The following ERAP1 variants were observed in gnomAD, a reference collection of about 807,000 sequenced individuals.
The protein encoded by ERAP1 is adipocyte-derived leucine aminopeptidase.
Under a neutral mutation model 103.7 loss-of-function variants are expected in ERAP1, and 86 were observed. The observed-to-expected ratio is 0.83, with a 90% CI of 0.70 to 0.99. The LOEUF (loss-of-function observed/expected upper bound fraction) is 0.99. ERAP1 is among the 50% of genes least tolerant of loss of function. The pLI is 0.00. For missense variants in ERAP1, 1,009 were observed against 1,128.4 expected (o/e 0.89, Z 1.52); for synonymous variants, 398 against 402.4 (o/e 0.99, Z 0.13).
the ERAP1 span, among the ~76,000 whole-genome samples, chr5:96,839,358 T>A: frequency 7.2e-5 from 11 of 151,884 alleles, no homozygotes; most frequent in African/African-American, 2.4e-4. Context: ...GATCCCAGAA[T>A]TCTAATCACA....
the ERAP1 span, chr5:96,918,457 A>G: frequency 6.6e-6 from 1 of 152,250 alleles, no homozygotes; most frequent in East Asian, 1.9e-4. Flanking sequence ...TTTATCAAGA[A>G]GGCCAGGAAG....
At chr5:96,765,349 AAAAAT>A in intron 19 of ERAP1, 2 of 920,860 alleles carry the variant, frequency 2.2e-6, no homozygotes, top group Non-Finnish European at 1.6e-6. Context: ...AAAAAAAAAA[AAAAAT>A]TCACTAATAG....
intron 17 of ERAP1, 104 bp from the exon 18 acceptor site, chr5:96,780,608 G>T: frequency 2.2e-6 from 2 of 903,004 alleles, no homozygotes; most frequent in Non-Finnish European, 3.6e-6. Flanking sequence ...AAACTGATCG[G>T]TGTGAAAAAT....
the ERAP1 span, among the ~76,000 whole-genome samples, chr5:96,851,472 G>A: frequency 1.3e-5 from 2 of 152,138 alleles, no homozygotes; most frequent in African/African-American, 2.4e-5. Flanking sequence ...CATTTAGCAC[G>A]GTCTCCTACT....
At chr5:96,929,452 T>TTTCC in the ERAP1 span, among the ~76,000 whole-genome samples, 2 of 143,794 alleles carry the variant, frequency 1.4e-5, no homozygotes, top group African/African-American at 5.1e-5. Context: ...CCTCTTTTCT[T>TTTCC]TTCCTTCCTT....
At chr5:96,800,745 G>A (rs1581626997) in intron 3 of ERAP1, 117 bp downstream of exon 3, 30 of 1,081,248 alleles carry the variant, frequency 2.8e-5, no homozygotes, top group South Asian at 6.4e-5. Flanking sequence ...AGTTAGTAAC[G>A]ATCTGCCAGG....
intron 19 of ERAP1, among the ~76,000 whole-genome samples, chr5:96,767,719 T>TG (rs2150746956): frequency 6.6e-6 from 1 of 152,270 alleles, no homozygotes; most frequent in African/African-American, 2.4e-5. Context: ...AAAGAGTAGA[T>TG]GGAAAAAAAG....
At chr5:96,865,195 C>G in the ERAP1 span, among the ~76,000 whole-genome samples, 2 of 152,052 alleles carry the variant, frequency 1.3e-5, no homozygotes, top group African/African-American at 4.8e-5. Flanking sequence ...AAATTTTTAT[C>G]CATATCATGG....
At chr5:96,920,960 A>G in the ERAP1 span, among the ~76,000 whole-genome samples, 1 of 152,236 alleles carries the variant, frequency 6.6e-6, no homozygotes, top group Non-Finnish European at 1.5e-5. Context: ...TCTTATTCAT[A>G]CATTCTGTAG....
At chr5:96,768,457 C>T in intron 19 of ERAP1, 2 of 448,762 alleles carry the variant, frequency 4.5e-6, no homozygotes, top group African/African-American at 2.0e-5. Flanking sequence ...AGAAAAAATG[C>T]CTATAATTCC....
the ERAP1 span, chr5:96,814,348 G>C: frequency 2.2e-6 from 1 of 456,048 alleles, no homozygotes; most frequent in Non-Finnish European, 4.4e-6. Flanking sequence ...ATGAATACCA[G>C]GAGGCAAGGA....
the ERAP1 span, among the ~76,000 whole-genome samples, chr5:96,856,920 TCTC>T: frequency 5.4e-4 from 83 of 152,294 alleles, 1 homozygote; most frequent in East Asian, 0.015. Flanking sequence ...ATCCCCTTCT[TCTC>T]TTCTCCAGAT....
At chr5:96,868,933 T>A in the ERAP1 span, among the ~76,000 whole-genome samples, 3 of 152,052 alleles carry the variant, frequency 2.0e-5, no homozygotes, top group Non-Finnish European at 2.9e-5. Flanking sequence ...TACCTATAAA[T>A]CTGATTATCT....
chr5:96,891,471 GTATA>G, the ERAP1 span, among the ~76,000 whole-genome samples: 615 of 101,422 alleles, frequency 6.1e-3, 6 homozygotes, highest in East Asian at 0.041. Context: ...ACATATACAG[GTATA>G]TATATATATG....
intron 3 of ERAP1, among the ~76,000 whole-genome samples, chr5:96,798,311 C>T (rs572436697): frequency 1.2e-3 from 152 of 126,312 alleles, no homozygotes; most frequent in Non-Finnish European, 2.0e-3. Flanking sequence ...GATGACAGAG[C>T]GAGACTCCAT....
At chr5:96,848,440 A>G in the ERAP1 span, among the ~76,000 whole-genome samples, 1 of 152,254 alleles carries the variant, frequency 6.6e-6, no homozygotes, top group Admixed American at 6.5e-5. Flanking sequence ...AAAATCAAAA[A>G]TGAAAGATGT....
the ERAP1 span, among the ~76,000 whole-genome samples, chr5:96,849,771 A>G: frequency 1.3e-5 from 2 of 152,190 alleles, no homozygotes; most frequent in African/African-American, 2.4e-5. Flanking sequence ...TAAGATTCTC[A>G]CAGAACCACA....
chr5:96,846,358 C>T, the ERAP1 span, among the ~76,000 whole-genome samples: 1 of 152,188 alleles, frequency 6.6e-6, no homozygotes, highest in Non-Finnish European at 1.5e-5. Flanking sequence ...GTTTTCTGCA[C>T]ATTAGAATCA....
Position 96,803,629 on chromosome 5 carries a change from G to A in ERAP1, c.298C>T (p.Leu100=). Residue 100 remains leucine (L), a synonymous_variant, in exon 2 of 19, where the codon CTG becomes TTG. Transcript: ENST00000443439. ...CTGAGGGTGGCCCTAGATATCTGCAGGTGGTGACTATGCAGGATGATGGTG... is the reference window on the plus strand; with the variant it reads ...CTGAGGGTGGCCCTAGATATCTGCAAGTGGTGACTATGCAGGATGATGGTG... ...TSTIILHSHH[L]QISRATLRKG... 1 of 1,614,202 alleles carries A rather than the reference G, an allele frequency of 6.2e-7. No homozygotes were observed. The highest frequency in any genetic ancestry group is 8.5e-7 in the Non-Finnish European group (1 of 1,180,022).
Sources: allele counts gnomAD v4.1 joint callset (sites outside exome capture counted in the v4.1 genomes callset), GRCh38; gene constraint gnomAD v4.1.1; transcripts MANE v1.5; gene names NCBI Gene and HGNC (gene_info 2026-07-23, HGNC 2026-07-21).